Variants in GABPB1 observed in about 807,000 individuals in gnomAD.
GABPB1 encodes the protein GA-binding protein subunit beta-1.
In GABPB1, 15 loss-of-function variants were observed where a neutral mutation model predicts 45.9. The observed-to-expected ratio is 0.33, with a 90% CI of 0.22 to 0.50. The LOEUF is 0.50. Ranked by LOEUF, GABPB1 falls within the 20% of genes least tolerant of loss-of-function variation. The pLI is 0.98. For synonymous variants in GABPB1, 143 were observed against 154.4 expected, an observed-to-expected ratio of 0.93 and a Z score of 0.55; for missense variants, 252 against 457.5, an observed-to-expected ratio of 0.55 and a Z score of 4.10.
At chr15:50,291,002 C>A (rs2046325842) in intron 6 of GABPB1, among the ~76,000 whole-genome samples, 1 of 152,150 alleles carries the variant, frequency 6.6e-6, no homozygotes, top group Non-Finnish European at 1.5e-5. Context: ...TAAAAAACTA[C>A]AAACAACGCA....
intron 6 of GABPB1, among the ~76,000 whole-genome samples, chr15:50,298,951 CAAAAAA>C (rs775179968): frequency 1.6e-5 from 1 of 61,176 alleles, no homozygotes. Context: ...GACTCCATGT[CAAAAAA>C]AAAAAAAAAG....
In GABPB1 at chr15:50,297,071, C is replaced by T. The variant is rs185457836; in HGVS notation, c.697+3718G>A. Among the ~76,000 whole-genome samples the T allele has an allele frequency of 1.9e-3, 286 of 151,710 alleles. 1 individual carries two copies. Among genetic ancestry groups the T allele is most frequent in the Admixed American group, 0.016 (241 of 15,232 alleles). On this transcript the variant is annotated intron_variant, in intron 6 of 8. Coordinates refer to ENST00000380877, the MANE Select transcript of GABPB1 (RefSeq NM_016654.5). ...GATTACAGGCATACGCCACCACATC[C>T]GGCTAATGTTTGTATTTTTAGTAGA...
chr15:50,295,309 T>G (rs938328619), intron 6 of GABPB1, among the ~76,000 whole-genome samples: 7 of 152,214 alleles, frequency 4.6e-5, no homozygotes, highest in Non-Finnish European at 1.0e-4. Context: ...TTCAACCACC[T>G]TGAGTGACTC....
intron 1 of GABPB1, among the ~76,000 whole-genome samples, chr15:50,344,741 G>A (rs1042630013): frequency 6.6e-6 from 1 of 152,086 alleles, no homozygotes; most frequent in African/African-American, 2.4e-5. Flanking sequence ...AGGAGGCTGA[G>A]GCAGGACAAT....
Position 50,278,801 on chromosome 15 carries a change from G to GTT in GABPB1, c.1000-18_1000-17insAA. ...TTCTCTCTCCTAATTAAAAGAAGAG[G>GTT]GTTTTTTTTTTAATTTTTGCAAAAA... On this transcript the variant is annotated splice_polypyrimidine_tract_variant and intron_variant, in intron 8 of 8. Transcript: ENST00000380877. The GTT allele has an allele frequency of 6.7e-7, 1 of 1,493,994 alleles. No homozygotes were observed. Among genetic ancestry groups the GTT allele is most frequent in the South Asian group, 1.2e-5 (1 of 81,060 alleles). 92.5% of individuals were successfully genotyped at this position (1,493,994 alleles called of 1,614,324 possible). A position where few individuals can be genotyped will look rare whatever the true frequency, so the allele number is the denominator to read the frequency against.
intron 2 of GABPB1, among the ~76,000 whole-genome samples, chr15:50,306,465 T>C (rs114805960): frequency 0.02 from 3,037 of 151,958 alleles, 103 homozygotes; most frequent in African/African-American, 0.07. Flanking sequence ...CCTCATCTAC[T>C]AAAAATAAAA....
intron 2 of GABPB1, among the ~76,000 whole-genome samples, chr15:50,305,980 A>G (rs2141037046): frequency 6.6e-6 from 1 of 150,726 alleles, no homozygotes; most frequent in East Asian, 2.0e-4. Flanking sequence ...GTTTTTTTTT[A>G]TTCATTTTTT....
At chr15:50,354,417 G>C in intron 1 of GABPB1, 1 of 451,412 alleles carries the variant, frequency 2.2e-6, no homozygotes, top group Non-Finnish European at 4.4e-6. Context: ...GCCGCGACCC[G>C]AGCGCCTCTC....
chr15:50,300,124 C>T (rs1182053946), intron 6 of GABPB1, among the ~76,000 whole-genome samples: 1 of 152,040 alleles, frequency 6.6e-6, no homozygotes, highest in Non-Finnish European at 1.5e-5. Flanking sequence ...GTTGTTTAAA[C>T]AAAAAGTCAC....
At chr15:50,331,443 G>C (rs1389381680) in intron 1 of GABPB1, among the ~76,000 whole-genome samples, 1 of 152,166 alleles carries the variant, frequency 6.6e-6, no homozygotes, top group African/African-American at 2.4e-5. Context: ...GGCTGACCCT[G>C]GTGATCCAGG....
At chr15:50,279,753 G>A (rs2045916939) in intron 8 of GABPB1, among the ~76,000 whole-genome samples, 1 of 152,180 alleles carries the variant, frequency 6.6e-6, no homozygotes, top group Admixed American at 6.5e-5. Context: ...AGATGCCCAG[G>A]ACCTCTGAGT....
chr15:50,350,701 C>G (rs563049306), intron 1 of GABPB1: 1 of 152,260 alleles, frequency 6.6e-6, no homozygotes, highest in South Asian at 2.1e-4. Context: ...TACGATTCCT[C>G]TACTCTAGAA....
rs1380530392 is a variant in GABPB1 at position 50,277,486 on chromosome 15, T to C, written c.*1146A>G. 4 of 150,518 alleles carry C rather than the reference T, an allele frequency of 2.7e-5. No homozygotes were observed. Among genetic ancestry groups the C allele is most frequent in the Admixed American group, 2.0e-4 (3 of 15,114 alleles). 9.3% of individuals were successfully genotyped at this position (150,518 alleles called of 1,614,324 possible). A position where few individuals can be genotyped will look rare whatever the true frequency, so the allele number is the denominator to read the frequency against. On this transcript the variant is annotated 3_prime_UTR_variant, in exon 9 of 9. Transcript: ENST00000380877. ...TCTGCCAGTGTTTAATGTCCATACA[T>C]TGTGGAATTCAACAATATTGTGATG...
At chr15:50,307,952 C>T (rs1307773844) in intron 2 of GABPB1, among the ~76,000 whole-genome samples, 1 of 152,056 alleles carries the variant, frequency 6.6e-6, no homozygotes, top group Non-Finnish European at 1.5e-5. Context: ...TTCATGATTC[C>T]TAACATCTCT....
intron 3 of GABPB1, among the ~76,000 whole-genome samples, chr15:50,303,537 C>T (rs921967530): frequency 6.6e-6 from 1 of 152,010 alleles, no homozygotes; most frequent in South Asian, 2.1e-4. Flanking sequence ...CAAAAATTAG[C>T]TGGGCATGGT....
At chr15:50,354,344 G>C (rs888759985) in intron 1 of GABPB1, 5 of 447,806 alleles carry the variant, frequency 1.1e-5, no homozygotes, top group African/African-American at 8.3e-5. Flanking sequence ...GGCTGTCGCT[G>C]CGGGGGCCCC....
At chr15:50,279,709 T>C (rs1171348057) in intron 8 of GABPB1, among the ~76,000 whole-genome samples, 1 of 152,160 alleles carries the variant, frequency 6.6e-6, no homozygotes, top group Non-Finnish European at 1.5e-5. Context: ...TCAAGGGTAG[T>C]TTCCAGGTCT....
intron 1 of GABPB1, among the ~76,000 whole-genome samples, chr15:50,348,043 G>GAAGAAAAAAAA (rs1555517542): frequency 8.8e-6 from 1 of 113,722 alleles, no homozygotes; most frequent in African/African-American, 4.1e-5. Context: ...ACTCCATCTG[G>GAAGAAAAAAAA]AAAAAAAAAA....
intron 1 of GABPB1, among the ~76,000 whole-genome samples, chr15:50,346,038 G>A (rs925479644): frequency 6.6e-6 from 1 of 152,064 alleles, no homozygotes; most frequent in Non-Finnish European, 1.5e-5. Flanking sequence ...TTAAGGTAGG[G>A]AAGAAAAAAC....
Sources: allele counts gnomAD v4.1 joint callset (sites outside exome capture counted in the v4.1 genomes callset), GRCh38; gene constraint gnomAD v4.1.1; transcripts MANE v1.5; gene names NCBI Gene and HGNC (gene_info 2026-07-23, HGNC 2026-07-21).